PDE6A: variants seen among roughly 807,000 people sequenced by gnomAD.
PDE6A encodes the protein phosphodiesterase 6A.
Under a neutral mutation model 106.3 loss-of-function variants are expected in PDE6A, and 84 were observed. The ratio of observed to expected loss-of-function variants is 0.79; its 90% CI spans 0.66 to 0.95. The LOEUF (loss-of-function observed/expected upper bound fraction) is 0.95, where lower values mean the gene tolerates loss of function less well. Among genes scored for constraint, PDE6A ranks in the 40% least tolerant of loss-of-function variants. The pLI is 0.00. For missense variants in PDE6A, 1,052 were observed against 1,084.9 expected, an observed-to-expected ratio of 0.97 and a Z score of 0.43; for synonymous variants, 394 against 386.6, an observed-to-expected ratio of 1.02 and a Z score of -0.23.
At chr5:149,923,821 A>G (rs1753801745) in intron 4 of PDE6A, among the ~76,000 whole-genome samples, 1 of 152,148 alleles carries the variant, frequency 6.6e-6, no homozygotes, top group African/African-American at 2.4e-5. Context: ...TTCATCTGTT[A>G]CTATACAGGG....
chr5:149,912,201 T>A (rs761897554), intron 6 of PDE6A, among the ~76,000 whole-genome samples: 3 of 152,122 alleles, frequency 2.0e-5, no homozygotes, highest in Non-Finnish European at 4.4e-5. Context: ...CACTGCAGCC[T>A]CAAATTCCTA....
intron 3 of PDE6A, 51 bp downstream of exon 3, chr5:149,933,879 G>T: frequency 1.5e-6 from 2 of 1,343,136 alleles, no homozygotes; most frequent in Non-Finnish European, 1.1e-6. Flanking sequence ...CCACATCAAT[G>T]CTTCAGGGAA....
chr5:149,882,101 AG>A (rs1421979991), intron 17 of PDE6A, among the ~76,000 whole-genome samples: 1 of 150,664 alleles, frequency 6.6e-6, no homozygotes, highest in African/African-American at 2.5e-5. Flanking sequence ...TAAAATGTCC[AG>A]GGGGGCAGCT....
intron 19 of PDE6A, chr5:149,867,447 T>A: frequency 1.8e-6 from 1 of 542,528 alleles, no homozygotes; most frequent in East Asian, 3.3e-5. Context: ...TTCCCAAAAT[T>A]TAGGAGGGCT....
At chr5:149,902,992 G>A (rs1200430761) in intron 8 of PDE6A, among the ~76,000 whole-genome samples, 2 of 151,236 alleles carry the variant, frequency 1.3e-5, no homozygotes, top group Non-Finnish European at 2.9e-5. Context: ...ATAAGCAAAG[G>A]TGCTGAGGCC....
intron 3 of PDE6A, among the ~76,000 whole-genome samples, chr5:149,931,757 C>A (rs1259289675): frequency 6.6e-6 from 1 of 152,180 alleles, no homozygotes; most frequent in African/African-American, 2.4e-5. Flanking sequence ...GACTCTCTCC[C>A]ATTCAGAATC....
At chr5:149,934,133 G>A in intron 2 of PDE6A, 114 bp from the exon 3 acceptor site, 1 of 718,018 alleles carries the variant, frequency 1.4e-6, no homozygotes, top group Non-Finnish European at 2.5e-6. Context: ...GAGACAATTT[G>A]GGCAGATGGA....
intron 4 of PDE6A, among the ~76,000 whole-genome samples, chr5:149,927,101 G>C (rs1753887061): frequency 1.3e-5 from 2 of 151,808 alleles, no homozygotes; most frequent in African/African-American, 4.8e-5. Flanking sequence ...GGGCAATTTT[G>C]TCATTGTGTG....
At position 149,944,195 on chromosome 5, in the gene PDE6A, A is replaced by AG; in HGVS notation, c.474+4dup. 1 of 1,607,072 alleles carries AG rather than the reference A, an allele frequency of 6.2e-7. No individual in the cohort carries two copies. The highest frequency in any genetic ancestry group is 1.3e-5 in the African/African-American group (1 of 74,846). On this transcript the variant is annotated splice_donor_region_variant and intron_variant, in intron 1 of 21. Coordinates refer to ENST00000255266, the MANE Select transcript of PDE6A (RefSeq NM_000440.3). Reference sequence around the variant, plus strand: ...ATGCCCTCTCTCTCATGGGGAAGAGAGTACCTCCTCTGTGTTGGGGACGTT... The same window carrying AG: ...ATGCCCTCTCTCTCATGGGGAAGAGAGGTACCTCCTCTGTGTTGGGGACGTT...
chr5:149,884,280 GTA>G (rs1370579150), intron 16 of PDE6A, among the ~76,000 whole-genome samples, 197 bp downstream of exon 16: 32 of 145,944 alleles, frequency 2.2e-4, no homozygotes, highest in African/African-American at 7.9e-4. Flanking sequence ...GTATATATGT[GTA>G]TATATGTGTA....
rs1056051676 is a variant in PDE6A at position 149,900,219 on chromosome 5, G to A, written c.1114-695C>T. Among the ~76,000 whole-genome samples the A allele has an allele frequency of 1.1e-4, 16 of 151,400 alleles. 1 individual carries two copies. Among genetic ancestry groups the A allele is most frequent in the Admixed American group, 3.3e-4 (5 of 15,112 alleles). On this transcript the variant is annotated intron_variant, in intron 8 of 21. Coordinates refer to ENST00000255266, the MANE Select transcript of PDE6A (RefSeq NM_000440.3). Reference sequence around the variant, plus strand: ...AAATACAAAAATTAGCCAATTAGCCGGATGTGGCGGCATGCTCCTGTAATC... The same window carrying A: ...AAATACAAAAATTAGCCAATTAGCCAGATGTGGCGGCATGCTCCTGTAATC...
Position 149,866,266 on chromosome 5 carries a change from A to T in PDE6A, c.2275-13T>A, listed in dbSNP as rs1296994724. The T allele has an allele frequency of 7.5e-6, 12 of 1,600,264 alleles. No individual in the cohort carries two copies. The highest frequency in any genetic ancestry group is 9.4e-6 in the Non-Finnish European group (11 of 1,167,378). ...TGTCCATCATGGGCTGTCATGGGGGAGAAAGAGTTAATTGCACTGGACAGT... is the reference window on the plus strand; with the variant it reads ...TGTCCATCATGGGCTGTCATGGGGGTGAAAGAGTTAATTGCACTGGACAGT... On this transcript the variant is annotated splice_polypyrimidine_tract_variant and intron_variant, in intron 19 of 21. Transcript: ENST00000255266.
intron 19 of PDE6A, 106 bp from the exon 20 acceptor site, chr5:149,866,359 G>A: frequency 1.2e-6 from 1 of 811,452 alleles, no homozygotes. Flanking sequence ...CATGTTTCCA[G>A]ACCTGATGAG....
chr5:149,866,146 C>G (rs755270180), intron 20 of PDE6A, 24 bp downstream of exon 20: 1 of 1,553,128 alleles, frequency 6.4e-7, no homozygotes, highest in Non-Finnish European at 8.9e-7. Flanking sequence ...CATCTTGTTG[C>G]GGCTGAGGAA....
chr5:149,916,966 CA>C (rs1004464046), intron 5 of PDE6A, among the ~76,000 whole-genome samples: 4 of 151,996 alleles, frequency 2.6e-5, no homozygotes, highest in African/African-American at 7.3e-5. Context: ...AAGATAAAAA[CA>C]GAAACTGAGA....
At chr5:149,877,626 T>G (rs1034137423) in intron 17 of PDE6A, among the ~76,000 whole-genome samples, 10 of 152,202 alleles carry the variant, frequency 6.6e-5, no homozygotes, top group African/African-American at 2.4e-4. Context: ...GCCAGACTGG[T>G]CTCGAACTCC....
At chr5:149,881,424 A>G (rs1279191499) in intron 17 of PDE6A, among the ~76,000 whole-genome samples, 1 of 152,234 alleles carries the variant, frequency 6.6e-6, no homozygotes, top group Non-Finnish European at 1.5e-5. Context: ...CATAAAAAAG[A>G]ACAAAATCAT....
At position 149,868,945 on chromosome 5, in the gene PDE6A, C is replaced by T. The variant is rs138900380; in HGVS notation, c.2136-787G>A. Among the ~76,000 whole-genome samples the T allele has an allele frequency of 1.3e-3, 192 of 152,146 alleles. 1 individual carries two copies. The highest frequency in any genetic ancestry group is 5.2e-3 in the Admixed American group (80 of 15,286). On this transcript the variant is annotated intron_variant, in intron 17 of 21. Transcript: ENST00000255266. ...TTTCCTCACCTGGCAGAAACTCTCA[C>T]CCAAAAAATTTAAAAGGTAAAAAAA...
intron 17 of PDE6A, among the ~76,000 whole-genome samples, chr5:149,874,630 C>T (rs1269580402): frequency 6.6e-6 from 1 of 152,174 alleles, no homozygotes; most frequent in Non-Finnish European, 1.5e-5. Flanking sequence ...TCTCCAGCCT[C>T]TTCCCTCCCC....
Sources: allele counts gnomAD v4.1 joint callset (sites outside exome capture counted in the v4.1 genomes callset), GRCh38; gene constraint gnomAD v4.1.1; transcripts MANE v1.5; gene names NCBI Gene and HGNC (gene_info 2026-07-23, HGNC 2026-07-21).